The following FAM76A variants were observed in gnomAD, a reference collection of about 807,000 sequenced individuals.
The protein encoded by FAM76A is family with sequence similarity 76 member A, also known as protein FAM76A.
A neutral mutation model predicts 46.2 loss-of-function variants in FAM76A; 32 were observed. That is an observed-to-expected ratio of 0.69 (90% CI 0.52 to 0.93). The LOEUF is 0.93. FAM76A is among the 40% of genes least tolerant of loss of function. The pLI, the probability that FAM76A is intolerant of heterozygous loss-of-function variation, is 0.00. For synonymous variants in FAM76A, 137 were observed against 127.0 expected, an observed-to-expected ratio of 1.08 and a Z score of -0.53; for missense variants, 274 against 361.5, an observed-to-expected ratio of 0.76 and a Z score of 1.96.
At chr1:27,726,700 TA>T (rs1044686130) in intron 1 of FAM76A, among the ~76,000 whole-genome samples, 5 of 152,176 alleles carry the variant, frequency 3.3e-5, no homozygotes, top group African/African-American at 1.2e-4. Context: ...CTTTATGTTT[TA>T]AAAAAGCCCC....
intron 7 of FAM76A, among the ~76,000 whole-genome samples, chr1:27,757,363 A>ATTTTTG (rs1169827699): frequency 7.1e-6 from 1 of 140,806 alleles, no homozygotes; most frequent in African/African-American, 2.7e-5. Context: ...CACCTGGCTG[A>ATTTTTG]TTTTTGTTTT....
chr1:27,740,341 A>G (rs146616597), intron 4 of FAM76A: 6 of 996,298 alleles, frequency 6.0e-6, no homozygotes, highest in East Asian at 2.5e-5. Context: ...CCATGGACTA[A>G]TCAAATAGAT....
Position 27,734,140 on chromosome 1 carries a change from G to A in FAM76A, c.311G>A (p.Cys104Tyr), listed in dbSNP as rs1224155032. The stretch of plus-strand genomic sequence containing the variant: ...GGACCACCCTATTCTTGTGAACAGT[G>A]CAAGCAGCAGTGTGCATTTGACAGG... ...KYGPPYSCEQCKQQCAFDRKD... is the reference protein window; with the variant it reads ...KYGPPYSCEQYKQQCAFDRKD... The change falls in exon 4 of 9, where the codon TGC becomes TAC. Residue 104 changes from cysteine to tyrosine, a missense_variant. Transcript: ENST00000373954. 4 of 1,602,194 alleles carry A rather than the reference G, an allele frequency of 2.5e-6. No homozygotes were observed.
chr1:27,752,594 A>C (rs1309058347), intron 6 of FAM76A, among the ~76,000 whole-genome samples: 1 of 152,106 alleles, frequency 6.6e-6, no homozygotes, highest in Non-Finnish European at 1.5e-5. Context: ...TCGTAGTTTC[A>C]TTTTATTCTC....
At chr1:27,741,499 TACAA>T (rs1046372416) in intron 4 of FAM76A, among the ~76,000 whole-genome samples, 64 of 152,214 alleles carry the variant, frequency 4.2e-4, no homozygotes, top group African/African-American at 1.4e-3. Context: ...GCATTAAGGT[TACAA>T]ACAGAAATGT....
At chr1:27,745,599 C>G (rs2088228776) in intron 5 of FAM76A, among the ~76,000 whole-genome samples, 1 of 152,146 alleles carries the variant, frequency 6.6e-6, no homozygotes, top group Admixed American at 6.6e-5. Context: ...GTAGGAAAGA[C>G]AGACTTATAA....
At chr1:27,759,417 C>A in intron 7 of FAM76A, 109 bp from the exon 8 acceptor site, 1 of 639,458 alleles carries the variant, frequency 1.6e-6, no homozygotes, top group Non-Finnish European at 2.7e-6. Context: ...TACGGATCTG[C>A]AGGAGAGCCC....
intron 4 of FAM76A, among the ~76,000 whole-genome samples, chr1:27,738,263 G>C (rs1309516624): frequency 6.6e-6 from 1 of 152,046 alleles, no homozygotes; most frequent in Non-Finnish European, 1.5e-5. Context: ...AGGCTGAGGA[G>C]GGTGGATCAC....
chr1:27,749,061 T>G lies in FAM76A; in HGVS notation c.513-7T>G, dbSNP rs750624276. The G allele has an allele frequency of 1.3e-6, 2 of 1,582,266 alleles. No homozygotes were observed. Among genetic ancestry groups the G allele is most frequent in the Non-Finnish European group, 1.7e-6 (2 of 1,168,126 alleles). On this transcript the variant is annotated splice_region_variant and splice_polypyrimidine_tract_variant and intron_variant, in intron 5 of 8. Coordinates refer to ENST00000373954, the MANE Select transcript of FAM76A (RefSeq NM_152660.3). Reference sequence around the variant, plus strand: ...AATGTGTGTCTCTCTATTTTTGCCATTAAAAGCCAGAAAACACTTTCTACA... The same window carrying G: ...AATGTGTGTCTCTCTATTTTTGCCAGTAAAAGCCAGAAAACACTTTCTACA...
rs573702512 is a variant in FAM76A, at chr1:27,760,806, C to T, written c.*225C>T. On this transcript the variant is annotated 3_prime_UTR_variant, in exon 9 of 9. Transcript: ENST00000373954. Reference sequence around the variant, plus strand: ...GATTTCAAGCTCGCTCTCTTTCTCTCACTATTAGGACTTTTCTTTTTCTTC... The same window carrying T: ...GATTTCAAGCTCGCTCTCTTTCTCTTACTATTAGGACTTTTCTTTTTCTTC... The T allele has an allele frequency of 5.8e-5, 14 of 242,868 alleles. No individual in the cohort carries two copies. The East Asian group carries it at 1.1e-3, about 19-fold the overall frequency. 15.0% of individuals were successfully genotyped at this position (242,868 alleles called of 1,614,324 possible).
chr1:27,753,969 T>C (rs2088370102), intron 6 of FAM76A, among the ~76,000 whole-genome samples: 1 of 152,190 alleles, frequency 6.6e-6, no homozygotes, highest in South Asian at 2.1e-4. Context: ...TTAACTTGCT[T>C]TGAGTCTGAG....
At position 27,734,091 on chromosome 1, in the gene FAM76A, T is replaced by C; in HGVS notation, c.262T>C (p.Cys88Arg). 1 of 1,613,198 alleles carries C rather than the reference T, an allele frequency of 6.2e-7. No individual in the cohort carries two copies. The highest frequency in any genetic ancestry group is 8.5e-7 in the Non-Finnish European group (1 of 1,179,850). The stretch of plus-strand genomic sequence containing the variant: ...ATTTATTGGGAATAAATGCCAGCGC[T>C]GCACAAATTCAGAAAAGAAGTATGG... ...AAFIGNKCQRCTNSEKKYGPP... is the reference protein window; with the variant it reads ...AAFIGNKCQRRTNSEKKYGPP... The change falls in exon 4 of 9, where the codon TGC (cysteine) becomes CGC (arginine). Residue 88 changes from cysteine to arginine, a missense_variant. Cys to Arg is a radical substitution (Grantham distance 180, BLOSUM62 -3). Coordinates refer to ENST00000373954, the MANE Select transcript of FAM76A (RefSeq NM_152660.3).
At position 27,751,391 on chromosome 1, in the gene FAM76A, GT is replaced by G. The variant is rs553288575; in HGVS notation, c.599+2245del. 6.8e-5 allele frequency among the ~76,000 whole-genome samples: 10 copies of G among 146,140 alleles called. No individual in the cohort carries two copies. In the Middle Eastern group the frequency reaches 0.011, roughly 159 times the overall value. ...TTGCTGTCCTCTTTACTTGTTGTGG[GT>G]TTTTTTTCCCTGCATTTACTTTGCT... On this transcript the variant is annotated intron_variant, in intron 6 of 8. Transcript: ENST00000373954.
At chr1:27,742,126 C>T (rs1033521391) in intron 4 of FAM76A, among the ~76,000 whole-genome samples, 1 of 152,096 alleles carries the variant, frequency 6.6e-6, no homozygotes, top group Non-Finnish European at 1.5e-5. Flanking sequence ...TGAAATAAAA[C>T]ACTTCAGGTA....
rs558377295 is a variant in FAM76A at position 27,756,988 on chromosome 1, G to A, written c.735+1658G>A. Among the ~76,000 whole-genome samples, 4 of 151,868 alleles carry A rather than the reference G, an allele frequency of 2.6e-5. No homozygotes were observed. In the South Asian group the frequency reaches 8.3e-4, roughly 32 times the overall value. On this transcript the variant is annotated intron_variant, in intron 7 of 8. Transcript: ENST00000373954. ...GTGGGAGGATCACCTTAGCCTGGGA[G>A]GTCAAGGCTGTGGTGAGCAGTGATC...
chr1:27,740,719 G>A, intron 4 of FAM76A: 3 of 438,160 alleles, frequency 6.8e-6, no homozygotes, highest in Middle Eastern at 6.5e-4. Context: ...TGCAGCTGAG[G>A]CAATACTGCT....
rs964265256 is a variant in FAM76A at position 27,761,148 on chromosome 1, A to T, written c.*567A>T. 8 of 151,988 alleles carry T rather than the reference A, an allele frequency of 5.3e-5. No individual in the cohort carries two copies. Among genetic ancestry groups the T allele is most frequent in the Non-Finnish European group, 1.2e-4 (8 of 67,942 alleles). The allele number at this position is 151,988 out of a possible 1,614,324, so 9.4% of individuals were successfully genotyped here. A position where few individuals can be genotyped will look rare whatever the true frequency, so the allele number is the denominator to read the frequency against. On this transcript the variant is annotated 3_prime_UTR_variant, in exon 9 of 9. Transcript: ENST00000373954. ...CGGTTTTTTTCCAGATGTATTATGTATGAACTTTGTACTATGTATAGCCAG... is the reference window on the plus strand; with the variant it reads ...CGGTTTTTTTCCAGATGTATTATGTTTGAACTTTGTACTATGTATAGCCAG...
In FAM76A at chr1:27,734,328, A is replaced by G. The variant is rs2088009197; in HGVS notation, c.354+145A>G. On this transcript the variant is annotated intron_variant, in intron 4 of 8. Coordinates refer to ENST00000373954, the MANE Select transcript of FAM76A (RefSeq NM_152660.3). ...TTTGGGAGGCCGAGGCTAGTGGATCATGAGGTCAGGAGATCAAGACTATCG... is the reference window on the plus strand; with the variant it reads ...TTTGGGAGGCCGAGGCTAGTGGATCGTGAGGTCAGGAGATCAAGACTATCG... 1.1e-5 allele frequency: 8 copies of G among 722,384 alleles called. No individual in the cohort carries two copies. In the South Asian group the frequency reaches 1.7e-4, roughly 15 times the overall value. The allele number at this position is 722,384 out of a possible 1,614,324, so 44.7% of individuals were successfully genotyped here.
intron 3 of FAM76A, 117 bp downstream of exon 3, chr1:27,732,774 A>G (rs2087981724): frequency 4.4e-6 from 3 of 688,612 alleles, no homozygotes; most frequent in Non-Finnish European, 7.1e-6. Flanking sequence ...TATGTGTAAT[A>G]TATCTGATAC....
Sources: allele counts gnomAD v4.1 joint callset (sites outside exome capture counted in the v4.1 genomes callset), GRCh38; gene constraint gnomAD v4.1.1; transcripts MANE v1.5; gene names NCBI Gene and HGNC (gene_info 2026-07-23, HGNC 2026-07-21).